Variants in GRIN3A observed in about 807,000 individuals in gnomAD.
GRIN3A encodes glutamate receptor ionotropic, NMDA 3A.
In GRIN3A, 47 loss-of-function variants were observed where a neutral mutation model predicts 92.4. The observed-to-expected ratio is 0.51, with a 90% CI of 0.40 to 0.65. The LOEUF (loss-of-function observed/expected upper bound fraction) is 0.65, where lower values mean the gene tolerates loss of function less well. GRIN3A is among the 30% of genes least tolerant of loss of function. The pLI, the probability that GRIN3A is intolerant of heterozygous loss-of-function variation, is 0.00. For synonymous variants in GRIN3A, 527 were observed against 540.6 expected, an observed-to-expected ratio of 0.97 and a Z score of 0.35; for missense variants, 1,324 against 1,393.1, an observed-to-expected ratio of 0.95 and a Z score of 0.79.
chr9:101,609,552 T>A (rs977350552), intron 6 of GRIN3A, among the ~76,000 whole-genome samples: 1 of 152,206 alleles, frequency 6.6e-6, no homozygotes, highest in Non-Finnish European at 1.5e-5. Flanking sequence ...TTAGTTACTT[T>A]TACTTTGGAA....
At chr9:101,606,465 C>T (rs1432655735) in intron 6 of GRIN3A, among the ~76,000 whole-genome samples, 3 of 152,166 alleles carry the variant, frequency 2.0e-5, no homozygotes, top group African/African-American at 7.2e-5. Context: ...AAGCCCTCTC[C>T]TATTTCTCCC....
In GRIN3A at chr9:101,668,839, AC is replaced by A. The variant is rs575916951; in HGVS notation, c.2352+1220del. ...TCTATGAAAAATCTTTAAAGCTGCC[AC>A]CAGCCCTCTGGGGCATTCTATCATT... On this transcript the variant is annotated intron_variant, in intron 3 of 8. Coordinates refer to ENST00000361820, the MANE Select transcript of GRIN3A (RefSeq NM_133445.3). 4.5e-4 allele frequency among the ~76,000 whole-genome samples: 68 copies of A among 152,292 alleles called. 1 individual carries two copies. The East Asian group carries it at 0.013, about 29-fold the overall frequency.
intron 6 of GRIN3A, among the ~76,000 whole-genome samples, chr9:101,580,909 G>T (rs1827879243): frequency 6.6e-6 from 1 of 152,124 alleles, no homozygotes; most frequent in Non-Finnish European, 1.5e-5. Flanking sequence ...AATATCTGTG[G>T]CCAGCACTTT....
intron 1 of GRIN3A, among the ~76,000 whole-genome samples, chr9:101,736,903 A>C (rs972530638): frequency 1.3e-5 from 2 of 151,760 alleles, no homozygotes; most frequent in Admixed American, 6.6e-5. Flanking sequence ...CCACCCCCAT[A>C]CCCTGCTCTT....
intron 6 of GRIN3A, among the ~76,000 whole-genome samples, chr9:101,588,299 C>T (rs1435678956): frequency 6.6e-6 from 1 of 152,182 alleles, no homozygotes; most frequent in East Asian, 1.9e-4. Context: ...AATTTATTAA[C>T]ACAAAATCCA....
At chr9:101,717,684 TG>T in intron 1 of GRIN3A, among the ~76,000 whole-genome samples, 1 of 149,784 alleles carries the variant, frequency 6.7e-6, no homozygotes, top group East Asian at 2.0e-4. Context: ...TCATCAACTT[TG>T]ACTTTCTCTA....
At chr9:101,586,957 TCTTA>T (rs1827957831) in intron 6 of GRIN3A, among the ~76,000 whole-genome samples, 1 of 152,188 alleles carries the variant, frequency 6.6e-6, no homozygotes, top group Non-Finnish European at 1.5e-5. Context: ...TCACTCTCTT[TCTTA>T]CTTCAAAACA....
At position 101,686,868 on chromosome 9, in the gene GRIN3A, C is replaced by G; in HGVS notation, c.1032G>C (p.Gln344His). ...SIRRIFEITT[Q>H]FGVMPPELRW... ...GAAGTTCAGGGGGCATGACCCCAAACTGGGTTGTAATTTCGAAAATCCGCC... is the reference window on the plus strand; with the variant it reads ...GAAGTTCAGGGGGCATGACCCCAAAGTGGGTTGTAATTTCGAAAATCCGCC... The change falls in exon 2 of 9, where the codon CAG (glutamine) becomes CAC (histidine). Residue 344 changes from glutamine to histidine, a missense_variant. Physicochemically the swap from Gln to His is conservative, Grantham distance 24 (BLOSUM62 0). Transcript: ENST00000361820. The G allele has an allele frequency of 6.2e-7, 1 of 1,614,224 alleles. No individual in the cohort carries two copies. Among genetic ancestry groups the G allele is most frequent in the Non-Finnish European group, 8.5e-7 (1 of 1,180,038 alleles).
intron 3 of GRIN3A, among the ~76,000 whole-genome samples, chr9:101,630,092 T>C (rs2031202): frequency 0.28 from 42,763 of 152,132 alleles, 6,489 homozygotes; most frequent in East Asian, 0.46. Context: ...GCATTGTCTG[T>C]CCAACATCTA....
intron 6 of GRIN3A, chr9:101,594,108 T>C (rs1202916020): frequency 3.3e-6 from 1 of 302,922 alleles, no homozygotes; most frequent in African/African-American, 2.2e-5. Flanking sequence ...TTTTGAACTT[T>C]TAAAGTTCTA....
At chr9:101,684,363 G>A (rs1347685164) in intron 2 of GRIN3A, among the ~76,000 whole-genome samples, 1 of 140,800 alleles carries the variant, frequency 7.1e-6, no homozygotes, top group African/African-American at 2.7e-5. Context: ...CGCCCACCTC[G>A]GCCTCCCAAA....
At chr9:101,604,964 CATATT>C (rs1380856759) in intron 6 of GRIN3A, among the ~76,000 whole-genome samples, 11 of 146,268 alleles carry the variant, frequency 7.5e-5, no homozygotes, top group Non-Finnish European at 7.7e-5. Flanking sequence ...TAGGTAAACA[CATATT>C]AATATATCAT....
intron 4 of GRIN3A, 152 bp from the exon 5 acceptor site, chr9:101,623,585 C>T: frequency 1.5e-6 from 1 of 674,682 alleles, no homozygotes; most frequent in South Asian, 1.6e-5. Flanking sequence ...CTTGGCTTCT[C>T]ACTGATGTCT....
In GRIN3A at chr9:101,645,257, TC is replaced by T. The variant is rs553082729; in HGVS notation, c.2353-16857del. On this transcript the variant is annotated intron_variant, in intron 3 of 8. Transcript: ENST00000361820. ...TTGGAGTGAGAACATGTGATTTTTG[TC>T]TTTCTGTGCTTGGCTTATTTTACTT... Among the ~76,000 whole-genome samples the T allele has an allele frequency of 3.3e-3, 497 of 152,002 alleles. 3 individuals are homozygous for T. Among genetic ancestry groups the T allele is most frequent in the African/African-American group, 0.011 (476 of 41,520 alleles).
At chr9:101,671,665 C>T (rs189689294) in intron 2 of GRIN3A, among the ~76,000 whole-genome samples, 2 of 152,212 alleles carry the variant, frequency 1.3e-5, no homozygotes, top group East Asian at 3.9e-4. Flanking sequence ...AATGTTTCTT[C>T]TTGTGGAATG....
At chr9:101,686,511 A>G (rs1210325176) in intron 2 of GRIN3A, 85 bp downstream of exon 2, 1 of 1,478,982 alleles carries the variant, frequency 6.8e-7, no homozygotes, top group Non-Finnish European at 9.4e-7. Context: ...CAGAGTCAAG[A>G]TTTCTGCAAA....
Position 101,569,700 on chromosome 9 carries a change from G to A in GRIN3A, c.*3474C>T, listed in dbSNP as rs532317804. The A allele has an allele frequency of 2.0e-5, 3 of 152,336 alleles. No individual in the cohort carries two copies. The highest frequency in any genetic ancestry group is 4.1e-4 in the South Asian group (2 of 4,830). 9.4% of individuals were successfully genotyped at this position (152,336 alleles called of 1,614,324 possible). Reference sequence around the variant, plus strand: ...AAGGAATAACTAAACAGTATAGATAGTAAAGTAGTATTAATGCCTAGAAAG... The same window carrying A: ...AAGGAATAACTAAACAGTATAGATAATAAAGTAGTATTAATGCCTAGAAAG... On this transcript the variant is annotated 3_prime_UTR_variant, in exon 9 of 9. Coordinates refer to ENST00000361820, the MANE Select transcript of GRIN3A (RefSeq NM_133445.3).
chr9:101,632,005 A>C (rs1317094197), intron 3 of GRIN3A, among the ~76,000 whole-genome samples: 2 of 152,128 alleles, frequency 1.3e-5, no homozygotes, highest in Non-Finnish European at 2.9e-5. Flanking sequence ...AACTCCTCAC[A>C]TGGCCTCTAA....
chr9:101,693,689 G>C (rs925296792), intron 1 of GRIN3A, among the ~76,000 whole-genome samples: 2 of 152,118 alleles, frequency 1.3e-5, no homozygotes, highest in Non-Finnish European at 2.9e-5. Flanking sequence ...TCTCCAGCCT[G>C]CTGCCCAGTG....
Sources: allele counts gnomAD v4.1 joint callset (sites outside exome capture counted in the v4.1 genomes callset), GRCh38; gene constraint gnomAD v4.1.1; transcripts MANE v1.5; gene names NCBI Gene and HGNC (gene_info 2026-07-23, HGNC 2026-07-21).